ALDH1A1: variants seen among roughly 807,000 people sequenced by gnomAD.
ALDH1A1 encodes the protein aldehyde dehydrogenase 1A1.
In ALDH1A1, 19 loss-of-function variants were observed where a neutral mutation model predicts 62.1. That is an observed-to-expected ratio of 0.31 (90% CI 0.21 to 0.45). The LOEUF (loss-of-function observed/expected upper bound fraction) is 0.45, where lower values mean the gene tolerates loss of function less well. Among genes scored for constraint, ALDH1A1 ranks in the 20% least tolerant of loss-of-function variants. The pLI is 1.00. For synonymous variants in ALDH1A1, 231 were observed against 215.9 expected, an observed-to-expected ratio of 1.07 and a Z score of -0.61; for missense variants, 521 against 607.1, an observed-to-expected ratio of 0.86 and a Z score of 1.49.
intron 8 of ALDH1A1, among the ~76,000 whole-genome samples, chr9:72,918,270 T>A (rs936406643): frequency 6.6e-6 from 1 of 152,206 alleles, no homozygotes; most frequent in Admixed American, 6.5e-5. Context: ...TAGGTATAAT[T>A]TTCTTCTGAT....
intron 10 of ALDH1A1, among the ~76,000 whole-genome samples, chr9:72,910,334 G>A (rs1022095064): frequency 3.3e-5 from 5 of 152,028 alleles, no homozygotes; most frequent in Admixed American, 3.3e-4. Context: ...TAAACATCAC[G>A]AACTTTTAGT....
At chr9:72,925,717 G>T in intron 5 of ALDH1A1, 105 bp from the exon 6 acceptor site, 1 of 1,294,296 alleles carries the variant, frequency 7.7e-7, no homozygotes, top group South Asian at 1.5e-5. Context: ...TAATAATTGC[G>T]TAGTTTTGTG....
chr9:72,917,893 G>A (rs1830083931), intron 8 of ALDH1A1, among the ~76,000 whole-genome samples: 1 of 152,160 alleles, frequency 6.6e-6, no homozygotes. Context: ...AATTACATCT[G>A]CTTAAGTTGT....
intron 1 of ALDH1A1, among the ~76,000 whole-genome samples, chr9:72,944,665 A>G (rs1830455829): frequency 6.6e-6 from 1 of 152,104 alleles, no homozygotes; most frequent in African/African-American, 2.4e-5. Flanking sequence ...ATGTTCTATA[A>G]TGGTGACAAT....
intron 8 of ALDH1A1, 72 bp from the exon 9 acceptor site, chr9:72,917,176 A>G (rs1486614662): frequency 1.4e-5 from 17 of 1,182,922 alleles, no homozygotes; most frequent in Admixed American, 4.0e-5. Flanking sequence ...CTCAGAGGCA[A>G]CATGGAGATA....
intron 11 of ALDH1A1, among the ~76,000 whole-genome samples, chr9:72,908,619 GAAAGA>G (rs1353779501): frequency 1.3e-4 from 13 of 103,750 alleles, no homozygotes; most frequent in African/African-American, 1.7e-4. Flanking sequence ...AAGAAAGAAA[GAAAGA>G]AAGAGAATAT....
intron 2 of ALDH1A1, among the ~76,000 whole-genome samples, chr9:72,936,996 T>A (rs1297437887): frequency 6.6e-6 from 1 of 152,042 alleles, no homozygotes; most frequent in African/African-American, 2.4e-5. Flanking sequence ...CAGTGAAACC[T>A]AGGGGAAGGT....
chr9:72,936,143 G>A (rs1406353503), intron 2 of ALDH1A1, among the ~76,000 whole-genome samples: 2 of 151,986 alleles, frequency 1.3e-5, no homozygotes, highest in African/African-American at 4.8e-5. Context: ...TGATCTCTTG[G>A]GTAAGCAATA....
intron 1 of ALDH1A1, among the ~76,000 whole-genome samples, chr9:72,947,344 G>GGTGGTT (rs1199024010): frequency 6.6e-6 from 1 of 151,932 alleles, no homozygotes; most frequent in African/African-American, 2.4e-5. Context: ...GTAACTGGAA[G>GGTGGTT]GTGGTTGCTG....
chr9:72,936,221 C>T (rs1830344937), intron 2 of ALDH1A1, among the ~76,000 whole-genome samples: 1 of 152,180 alleles, frequency 6.6e-6, no homozygotes, highest in South Asian at 2.1e-4. Context: ...TGATCATTAG[C>T]TTTCCCTTAC....
intron 1 of ALDH1A1, among the ~76,000 whole-genome samples, chr9:72,941,231 G>A (rs1830410365): frequency 6.6e-6 from 1 of 152,020 alleles, no homozygotes; most frequent in African/African-American, 2.4e-5. Context: ...CCTTCTTACT[G>A]GATATCTAAA....
chr9:72,904,743 T>A (rs1198710490), intron 12 of ALDH1A1, among the ~76,000 whole-genome samples: 2 of 152,146 alleles, frequency 1.3e-5, no homozygotes, highest in South Asian at 4.1e-4. Flanking sequence ...TCTTATACTC[T>A]GGTAGTGTCT....
At chr9:72,914,696 T>C (rs1445859565) in intron 9 of ALDH1A1, among the ~76,000 whole-genome samples, 1 of 150,820 alleles carries the variant, frequency 6.6e-6, no homozygotes, top group Non-Finnish European at 1.5e-5. Flanking sequence ...ATGAAAAAGA[T>C]ACACACATGA....
chr9:72,917,846 T>C (rs1373980590), intron 8 of ALDH1A1, among the ~76,000 whole-genome samples: 2 of 152,232 alleles, frequency 1.3e-5, no homozygotes, highest in East Asian at 3.8e-4. Context: ...TTCAATGTTA[T>C]AGCAACTGGG....
Position 72,928,896 on chromosome 9 carries a change from T to C in ALDH1A1, c.438A>G (p.Pro146=), listed in dbSNP as rs762686506. Residue 146 remains proline, a synonymous_variant, in exon 4 of 13, where the codon CCA becomes CCG. Transcript: ENST00000297785. ...WADKIQGRTI[P]IDGNFFTYTR... is the part of the protein sequence containing the mutation. ...TGGTTTCTCAAAGATACTTACCAAT[T>C]GGTATTGTACGGCCCTGGATCTTGT... 23 of 1,613,320 alleles carry C rather than the reference T, an allele frequency of 1.4e-5. No homozygotes were observed. The highest frequency in any genetic ancestry group is 1.9e-5 in the Non-Finnish European group (22 of 1,179,650).
At chr9:72,935,907 T>A in intron 2 of ALDH1A1, among the ~76,000 whole-genome samples, 1 of 152,222 alleles carries the variant, frequency 6.6e-6, no homozygotes, top group East Asian at 1.9e-4. Context: ...TGTCGGAGTT[T>A]ACTATACATT....
At chr9:72,935,131 T>G (rs1209137298) in intron 2 of ALDH1A1, among the ~76,000 whole-genome samples, 1 of 152,168 alleles carries the variant, frequency 6.6e-6, no homozygotes, top group Non-Finnish European at 1.5e-5. Context: ...TTTTAATAGA[T>G]TCCATGATAC....
intron 1 of ALDH1A1, among the ~76,000 whole-genome samples, chr9:72,946,557 G>A (rs1054661210): frequency 3.3e-5 from 5 of 151,930 alleles, no homozygotes; most frequent in Admixed American, 6.6e-5. Flanking sequence ...ACATGTCAGC[G>A]TCAGGAAAAC....
chr9:72,916,654 T>C (rs910660490), intron 9 of ALDH1A1, among the ~76,000 whole-genome samples: 27 of 152,148 alleles, frequency 1.8e-4, no homozygotes, highest in Non-Finnish European at 3.7e-4. Context: ...AAGCCAAAAA[T>C]GTAGAACATT....
Sources: allele counts gnomAD v4.1 joint callset (sites outside exome capture counted in the v4.1 genomes callset), GRCh38; gene constraint gnomAD v4.1.1; transcripts MANE v1.5; gene names NCBI Gene and HGNC (gene_info 2026-07-23, HGNC 2026-07-21).